The following STIM1 variants were observed in gnomAD, a reference collection of about 807,000 sequenced individuals.
STIM1 encodes stromal interaction molecule 1.
In STIM1, 25 loss-of-function variants were observed where a neutral mutation model predicts 74.7. The ratio of observed to expected loss-of-function variants is 0.33; its 90% CI spans 0.24 to 0.47. STIM1 has a LOEUF of 0.47. Ranked by LOEUF, STIM1 falls within the 20% of genes least tolerant of loss-of-function variation. The pLI is 1.00. For missense variants in STIM1, 728 were observed against 920.8 expected (o/e 0.79, Z 2.71); for synonymous variants, 328 against 348.8 (o/e 0.94, Z 0.66).
rs1321754650 is a variant in STIM1 at position 4,092,369 on chromosome 11, C to T, written c.*571C>T. 1 of 167,502 alleles carries T rather than the reference C, an allele frequency of 6.0e-6. No individual in the cohort carries two copies. The highest frequency in any genetic ancestry group is 2.4e-5 in the African/African-American group (1 of 41,776). 10.4% of individuals were successfully genotyped at this position (167,502 alleles called of 1,614,324 possible). ...GAAGGAGCCTCATCCTAATCTCACT[C>T]AGGCCTCCAGGGATCCATGGGGGAG... On this transcript the variant is annotated 3_prime_UTR_variant, in exon 13 of 13. Transcript: ENST00000526596.
intron 12 of STIM1, among the ~76,000 whole-genome samples, chr11:4,089,318 T>G (rs2094510462): frequency 6.6e-6 from 1 of 152,108 alleles, no homozygotes; most frequent in African/African-American, 2.4e-5. Context: ...TCCTGATTTC[T>G]CCTCCTTGGT....
chr11:3,903,994 C>T (rs915909942), intron 1 of STIM1, among the ~76,000 whole-genome samples: 21 of 151,920 alleles, frequency 1.4e-4, no homozygotes, highest in Middle Eastern at 3.4e-3. Context: ...GTCAGCAGTT[C>T]GAGACCAGCC....
At chr11:3,940,548 G>A (rs1400777517) in intron 1 of STIM1, among the ~76,000 whole-genome samples, 1 of 152,134 alleles carries the variant, frequency 6.6e-6, no homozygotes, top group African/African-American at 2.4e-5. Flanking sequence ...GGAATAATGA[G>A]GTGATGTGTG....
intron 2 of STIM1, among the ~76,000 whole-genome samples, chr11:4,012,140 T>C (rs544385172): frequency 6.6e-6 from 1 of 152,326 alleles, no homozygotes; most frequent in East Asian, 1.9e-4. Flanking sequence ...TGTAGCATAG[T>C]TTGAAGTCAG....
rs1470324244 is a variant in STIM1, at chr11:4,002,851, A to G, written c.271-21022A>G. 6.2e-5 allele frequency among the ~76,000 whole-genome samples: 9 copies of G among 144,274 alleles called. No homozygotes were observed. In the South Asian group the frequency reaches 1.9e-3, roughly 30 times the overall value. 94.6% of individuals were successfully genotyped at this position (144,274 alleles called of 152,430 possible). A position where few individuals can be genotyped will look rare whatever the true frequency, so the allele number is the denominator to read the frequency against. Reference sequence around the variant, plus strand: ...TTGATAGACCGCTAGCAAGACTAATAAAGAAAAAAAGAGAGAAGAATCAAA... The same window carrying G: ...TTGATAGACCGCTAGCAAGACTAATGAAGAAAAAAAGAGAGAAGAATCAAA... On this transcript the variant is annotated intron_variant, in intron 2 of 12. Transcript: ENST00000526596.
intron 1 of STIM1, among the ~76,000 whole-genome samples, chr11:3,964,915 G>A (rs1170174672): frequency 6.6e-6 from 1 of 151,980 alleles, no homozygotes; most frequent in Non-Finnish European, 1.5e-5. Flanking sequence ...TGTAAAGACA[G>A]GGTTTCACCA....
intron 2 of STIM1, among the ~76,000 whole-genome samples, chr11:4,019,884 G>C (rs1489414765): frequency 6.6e-6 from 1 of 152,062 alleles, no homozygotes; most frequent in Non-Finnish European, 1.5e-5. Flanking sequence ...TGGAACACTA[G>C]AACTTATAAA....
chr11:3,989,858 C>G (rs1188918880), intron 2 of STIM1, among the ~76,000 whole-genome samples: 1 of 152,194 alleles, frequency 6.6e-6, no homozygotes, highest in Non-Finnish European at 1.5e-5. Context: ...TATCTGGCCT[C>G]TAGTCTAACC....
At chr11:3,941,648 G>A (rs2093007990) in intron 1 of STIM1, among the ~76,000 whole-genome samples, 1 of 103,278 alleles carries the variant, frequency 9.7e-6, no homozygotes, top group African/African-American at 3.5e-5. Flanking sequence ...TAGTGTGTGT[G>A]TATACATATA....
chr11:3,978,122 C>T (rs2093466269), intron 2 of STIM1, among the ~76,000 whole-genome samples: 2 of 152,038 alleles, frequency 1.3e-5, no homozygotes, highest in South Asian at 4.2e-4. Flanking sequence ...TGGCAGCTCA[C>T]CCAGCCTCCT....
rs972126355 is a variant in STIM1, at chr11:3,871,061, C to T, written c.139+14652C>T. On this transcript the variant is annotated intron_variant, in intron 1 of 12. Coordinates refer to ENST00000526596, the MANE Select transcript of STIM1 (RefSeq NM_001382567.1). The stretch of plus-strand genomic sequence containing the variant: ...CTAATTTTTGTATTTTTAGTAGAGA[C>T]GGGGTTTCACCATGTTAGCTAGGAT... Among the ~76,000 whole-genome samples the T allele has an allele frequency of 7.3e-5, 11 of 151,698 alleles. No individual in the cohort carries two copies. The East Asian group carries it at 1.4e-3, about 19-fold the overall frequency.
At chr11:3,933,411 G>A (rs1011413650) in intron 1 of STIM1, among the ~76,000 whole-genome samples, 1 of 152,168 alleles carries the variant, frequency 6.6e-6, no homozygotes, top group African/African-American at 2.4e-5. Flanking sequence ...TTACAGATGA[G>A]GAGACTGAAG....
chr11:4,075,492 CTT>C (rs2094432587), intron 7 of STIM1, among the ~76,000 whole-genome samples: 1 of 152,194 alleles, frequency 6.6e-6, no homozygotes, highest in Non-Finnish European at 1.5e-5. Flanking sequence ...AGTATATACT[CTT>C]TTGTGTTTTG....
chr11:4,034,211 A>G (rs2094079358), intron 3 of STIM1, among the ~76,000 whole-genome samples: 1 of 152,010 alleles, frequency 6.6e-6, no homozygotes, highest in Admixed American at 6.6e-5. Flanking sequence ...TCTGGGCAAC[A>G]GAGTGAGACA....
chr11:4,042,550 G>GT (rs572334776), intron 3 of STIM1, among the ~76,000 whole-genome samples: 1 of 152,088 alleles, frequency 6.6e-6, no homozygotes, highest in African/African-American at 2.4e-5. Context: ...CTCAATAAAT[G>GT]TTTTTTCCCC....
At chr11:4,030,561 A>G (rs1223523137) in intron 3 of STIM1, among the ~76,000 whole-genome samples, 1 of 152,202 alleles carries the variant, frequency 6.6e-6, no homozygotes, top group South Asian at 2.1e-4. Context: ...GTTAACCATC[A>G]AGTCATTTAG....
intron 1 of STIM1, among the ~76,000 whole-genome samples, chr11:3,908,438 C>T (rs1428187560): frequency 6.6e-6 from 1 of 152,070 alleles, no homozygotes; most frequent in Non-Finnish European, 1.5e-5. Flanking sequence ...CGGTGAAACC[C>T]TGTCTCTACT....
intron 1 of STIM1, among the ~76,000 whole-genome samples, chr11:3,896,681 C>A (rs1204292914): frequency 6.6e-6 from 1 of 152,130 alleles, no homozygotes; most frequent in Non-Finnish European, 1.5e-5. Context: ...GGGAGCCCCC[C>A]AAATAATTGG....
At chr11:4,024,954 A>G (rs1199425757) in intron 3 of STIM1, among the ~76,000 whole-genome samples, 1 of 152,176 alleles carries the variant, frequency 6.6e-6, no homozygotes, top group Non-Finnish European at 1.5e-5. Flanking sequence ...CTCTCTTCCC[A>G]GGGTCTCTTA....
Sources: allele counts gnomAD v4.1 joint callset (sites outside exome capture counted in the v4.1 genomes callset), GRCh38; gene constraint gnomAD v4.1.1; transcripts MANE v1.5; gene names NCBI Gene and HGNC (gene_info 2026-07-23, HGNC 2026-07-21).